PRKN: variants seen among roughly 807,000 people sequenced by gnomAD.
PRKN encodes the protein parkin RBR E3 ubiquitin protein ligase, also known as E3 ubiquitin-protein ligase parkin.
In PRKN, 56 loss-of-function variants were observed where a neutral mutation model predicts 59.5. The ratio of observed to expected loss-of-function variants is 0.94; its 90% CI spans 0.76 to 1.18. The LOEUF is 1.18. Among genes scored for constraint, PRKN ranks in the 50% most tolerant of loss-of-function variants. The pLI, the probability that PRKN is intolerant of heterozygous loss-of-function variation, is 0.00. For synonymous variants in PRKN, 250 were observed against 222.1 expected (o/e 1.13, Z -1.12); for missense variants, 657 against 596.4 (o/e 1.10, Z -1.06).
chr6:162,166,866 A>G (rs1412970251), intron 4 of PRKN, among the ~76,000 whole-genome samples: 1 of 152,026 alleles, frequency 6.6e-6, no homozygotes, highest in Non-Finnish European at 1.5e-5. Flanking sequence ...ACTGTGCCCT[A>G]ATTGTCCCCT....
chr6:161,841,636 C>T (rs1269254909), intron 6 of PRKN, among the ~76,000 whole-genome samples: 1 of 152,158 alleles, frequency 6.6e-6, no homozygotes, highest in Non-Finnish European at 1.5e-5. Context: ...AGATGTGAGC[C>T]ACCACGCCTG....
intron 1 of PRKN, among the ~76,000 whole-genome samples, chr6:162,469,785 C>T (rs544259827): frequency 6.6e-6 from 1 of 152,144 alleles, no homozygotes; most frequent in East Asian, 1.9e-4. Context: ...TCAGTGTATA[C>T]TGCTTGGATG....
At position 161,350,092 on chromosome 6, in the gene PRKN, G is replaced by A. The variant is rs1418162907; in HGVS notation, c.*7C>T. The A allele has an allele frequency of 1.3e-6, 2 of 1,598,596 alleles. No homozygotes were observed. The highest frequency in any genetic ancestry group is 1.7e-5 in the Admixed American group (1 of 59,940). On this transcript the variant is annotated 3_prime_UTR_variant, in exon 12 of 12. Transcript: ENST00000366898. ...GGATGTGGCGATGGGGCGCCCGGCC[G>A]CCCTGGCTACACGTCGAACCAGTGG... is the stretch of plus-strand genomic sequence containing the variant.
intron 8 of PRKN, among the ~76,000 whole-genome samples, chr6:161,565,602 C>T (rs1418063225): frequency 6.6e-6 from 1 of 152,144 alleles, no homozygotes; most frequent in Non-Finnish European, 1.5e-5. Context: ...GAAGAAGGTA[C>T]CTTGCTTCCC....
intron 6 of PRKN, among the ~76,000 whole-genome samples, chr6:161,800,579 G>A (rs1280534899): frequency 1.3e-5 from 2 of 152,182 alleles, no homozygotes; most frequent in African/African-American, 4.8e-5. Context: ...CCCAGTGCTG[G>A]GCACAGAGCA....
At chr6:162,315,718 G>T (rs1782728749) in intron 2 of PRKN, among the ~76,000 whole-genome samples, 1 of 151,978 alleles carries the variant, frequency 6.6e-6, no homozygotes, top group South Asian at 2.1e-4. Context: ...GTCTTTTTTG[G>T]AAATGGCTTA....
At chr6:162,009,622 G>T (rs1021222728) in intron 5 of PRKN, among the ~76,000 whole-genome samples, 2 of 151,752 alleles carry the variant, frequency 1.3e-5, no homozygotes, top group Non-Finnish European at 2.9e-5. Context: ...CAGGCACACA[G>T]GATGCATGCA....
intron 8 of PRKN, among the ~76,000 whole-genome samples, chr6:161,564,869 A>G (rs1477977155): frequency 6.6e-6 from 1 of 152,172 alleles, no homozygotes; most frequent in African/African-American, 2.4e-5. Flanking sequence ...TCCATCTGAA[A>G]TCAGACACAC....
At chr6:162,108,917 T>C (rs1398681031) in intron 4 of PRKN, among the ~76,000 whole-genome samples, 2 of 152,094 alleles carry the variant, frequency 1.3e-5, no homozygotes, top group African/African-American at 2.4e-5. Context: ...AACTGAGGGG[T>C]AAGTCAGTGG....
Position 161,399,007 on chromosome 6 carries a change from G to T in PRKN, c.1084-12130C>A, listed in dbSNP as rs747658438. On this transcript the variant is annotated intron_variant, in intron 9 of 11. Transcript: ENST00000366898. This position sits in a 1 kb window ranked among gnomAD's most constrained non-coding sequence, Gnocchi z 4.4. ...TTGGCCTGTCATGCCCCCCTATCCT[G>T]TCCCTATATAAACTCCAAACCCCAG... Among the ~76,000 whole-genome samples, 1 of 152,088 alleles carries T rather than the reference G, an allele frequency of 6.6e-6. No individual in the cohort carries two copies. Among genetic ancestry groups the T allele is most frequent in the Non-Finnish European group, 1.5e-5 (1 of 68,032 alleles).
chr6:162,693,858 A>G (rs1777870732), intron 1 of PRKN, among the ~76,000 whole-genome samples: 1 of 152,214 alleles, frequency 6.6e-6, no homozygotes. Context: ...CATATTTAAC[A>G]TGATACACAT....
chr6:161,885,590 G>A (rs553117181), intron 6 of PRKN, among the ~76,000 whole-genome samples: 367 of 151,526 alleles, frequency 2.4e-3, no homozygotes, highest in African/African-American at 8.5e-3. Context: ...GCGTGAACCC[G>A]GGAGGCGGAG....
chr6:162,681,618 A>G (rs1247676711), intron 1 of PRKN, among the ~76,000 whole-genome samples: 2 of 152,298 alleles, frequency 1.3e-5, no homozygotes, highest in Non-Finnish European at 2.9e-5. Context: ...TTGTGGGCCA[A>G]GCCTTCATTT....
intron 7 of PRKN, among the ~76,000 whole-genome samples, chr6:161,733,278 C>T (rs1463041688): frequency 6.6e-6 from 1 of 151,994 alleles, no homozygotes; most frequent in African/African-American, 2.4e-5. Context: ...GAAAATAAGC[C>T]AGAATTAAAA....
intron 7 of PRKN, among the ~76,000 whole-genome samples, chr6:161,714,853 C>T (rs532072811): frequency 1.3e-5 from 2 of 152,224 alleles, no homozygotes; most frequent in East Asian, 3.9e-4. Flanking sequence ...ACCGCCACCC[C>T]ACAAAGACAC....
At chr6:161,890,506 G>C (rs1795302991) in intron 6 of PRKN, among the ~76,000 whole-genome samples, 1 of 152,200 alleles carries the variant, frequency 6.6e-6, no homozygotes, top group South Asian at 2.1e-4. Context: ...AGCTCACTGA[G>C]TTTGGGACTC....
intron 1 of PRKN, among the ~76,000 whole-genome samples, chr6:162,545,780 C>T (rs909662726): frequency 6.6e-6 from 1 of 151,940 alleles, no homozygotes; most frequent in Non-Finnish European, 1.5e-5. Context: ...TATAATCTAA[C>T]AAAGGAAAAA....
At chr6:162,337,284 T>G (rs2128126635) in intron 2 of PRKN, among the ~76,000 whole-genome samples, 1 of 152,284 alleles carries the variant, frequency 6.6e-6, no homozygotes. Context: ...TTAAGAAAAG[T>G]TATCTCACCT....
At chr6:161,910,447 G>T (rs1005519440) in intron 6 of PRKN, among the ~76,000 whole-genome samples, 1 of 152,010 alleles carries the variant, frequency 6.6e-6, no homozygotes, top group African/African-American at 2.4e-5. Context: ...TAGAGACGGG[G>T]TTTCACTGTG....
Sources: allele counts gnomAD v4.1 joint callset (sites outside exome capture counted in the v4.1 genomes callset), GRCh38; gene constraint gnomAD v4.1.1; non-coding constraint Gnocchi (gnomAD v3.1); transcripts MANE v1.5; gene names NCBI Gene and HGNC (gene_info 2026-07-23, HGNC 2026-07-21).